The following RIMS2 variants were observed in gnomAD, a reference collection of about 807,000 sequenced individuals.
The protein encoded by RIMS2 is regulating synaptic membrane exocytosis 2.
In RIMS2, 59 loss-of-function variants were observed where a neutral mutation model predicts 174.4. The ratio of observed to expected loss-of-function variants is 0.34; its 90% CI spans 0.27 to 0.42. The LOEUF (loss-of-function observed/expected upper bound fraction) is 0.42. Ranked by LOEUF, RIMS2 falls within the 10% of genes least tolerant of loss-of-function variation. The pLI is 1.00. For missense variants in RIMS2, 1,620 were observed against 1,666.3 expected, an observed-to-expected ratio of 0.97 and a Z score of 0.48; for synonymous variants, 606 against 572.5, an observed-to-expected ratio of 1.06 and a Z score of -0.84.
chr8:103,637,359 C>G (rs546932382), intron 1 of RIMS2, among the ~76,000 whole-genome samples: 2 of 152,196 alleles, frequency 1.3e-5, no homozygotes, highest in East Asian at 1.9e-4. Flanking sequence ...GAGTAACTTT[C>G]TTTTCTTGAA....
At chr8:103,666,326 C>A (rs1381348116) in intron 1 of RIMS2, among the ~76,000 whole-genome samples, 9 of 152,120 alleles carry the variant, frequency 5.9e-5, no homozygotes, top group Admixed American at 5.9e-4. Flanking sequence ...TACAGAGAAA[C>A]CTTTAGGCCA....
At chr8:103,725,089 G>A (rs2097510327) in intron 2 of RIMS2, among the ~76,000 whole-genome samples, 1 of 152,060 alleles carries the variant, frequency 6.6e-6, no homozygotes, top group African/African-American at 2.4e-5. Context: ...CAAATTTAGT[G>A]TTAAAATACT....
intron 2 of RIMS2, among the ~76,000 whole-genome samples, chr8:103,721,258 T>G (rs939578802): frequency 6.6e-6 from 1 of 152,212 alleles, no homozygotes; most frequent in African/African-American, 2.4e-5. Context: ...AGAATCATGC[T>G]TCCTGTACAG....
chr8:104,120,590 T>C (rs1265470845), intron 19 of RIMS2, among the ~76,000 whole-genome samples: 1 of 152,180 alleles, frequency 6.6e-6, no homozygotes, highest in Middle Eastern at 3.2e-3. Flanking sequence ...TTAAAGGATA[T>C]TTTTATTCAT....
intron 3 of RIMS2, among the ~76,000 whole-genome samples, chr8:103,807,150 AG>A (rs749123021): frequency 1.3e-5 from 2 of 152,126 alleles, no homozygotes; most frequent in Non-Finnish European, 2.9e-5. Context: ...CAGCCAAAAC[AG>A]GGCCTTGGAC....
intron 19 of RIMS2, among the ~76,000 whole-genome samples, chr8:104,159,021 G>A (rs1345091388): frequency 2.6e-5 from 4 of 151,968 alleles, no homozygotes; most frequent in Non-Finnish European, 5.9e-5. Context: ...GGGTTTTTAT[G>A]GTTTTAGGTC....
chr8:103,840,013 T>C (rs976221267), intron 3 of RIMS2, among the ~76,000 whole-genome samples: 1 of 152,210 alleles, frequency 6.6e-6, no homozygotes, highest in African/African-American at 2.4e-5. Flanking sequence ...GAAGATTGTT[T>C]CCAGGTGGAA....
In RIMS2 at chr8:104,071,244, G is replaced by A. The variant is rs527897459; in HGVS notation, c.3334+56629G>A. Reference sequence around the variant, plus strand: ...GCTTCAAAGTTTTATATCTTTGACAGCAATCATTTTAAGTTGGGAAAAAAT... The same window carrying A: ...GCTTCAAAGTTTTATATCTTTGACAACAATCATTTTAAGTTGGGAAAAAAT... On this transcript the variant is annotated intron_variant, in intron 19 of 23. Transcript: ENST00000504942. Among the ~76,000 whole-genome samples the A allele has an allele frequency of 2.6e-5, 4 of 152,236 alleles. No individual in the cohort carries two copies. The South Asian group carries it at 8.3e-4, about 32-fold the overall frequency.
chr8:103,704,149 G>T (rs141345672), intron 2 of RIMS2, among the ~76,000 whole-genome samples: 2 of 147,910 alleles, frequency 1.4e-5, no homozygotes, highest in Non-Finnish European at 1.5e-5. Context: ...TTATTTTCAG[G>T]CATGTTTCTT....
chr8:103,836,057 G>T (rs930249879), intron 3 of RIMS2, among the ~76,000 whole-genome samples: 1 of 152,094 alleles, frequency 6.6e-6, no homozygotes, highest in African/African-American at 2.4e-5. Flanking sequence ...CCTTCTAACT[G>T]GGTGGGCATC....
Position 104,074,660 on chromosome 8 carries a change from A to G in RIMS2, c.3334+60045A>G, listed in dbSNP as rs1471409522. Among the ~76,000 whole-genome samples, 3 of 152,172 alleles carry G rather than the reference A, an allele frequency of 2.0e-5. No homozygotes were observed. In the East Asian group the frequency reaches 5.8e-4, roughly 29 times the overall value. ...AGGAAAAATGAAATTTAGAGGAAAA[A>G]AATTTATGAATCTTAAGGGGATATG... On this transcript the variant is annotated intron_variant, in intron 19 of 23. Transcript: ENST00000504942.
chr8:103,717,138 CTTTTTTTTTT>C (rs11373218), intron 2 of RIMS2, among the ~76,000 whole-genome samples: 9 of 113,106 alleles, frequency 8.0e-5, no homozygotes, highest in East Asian at 5.2e-4. Flanking sequence ...ATAGTGCCTT[CTTTTTTTTTT>C]TTTTTTTTTT....
chr8:104,157,783 G>A (rs927236327), intron 19 of RIMS2, among the ~76,000 whole-genome samples: 1 of 152,064 alleles, frequency 6.6e-6, no homozygotes, highest in African/African-American at 2.4e-5. Flanking sequence ...TATGTATATG[G>A]GGGTACAAAT....
chr8:103,687,589 A>T (rs1177761558), intron 1 of RIMS2, among the ~76,000 whole-genome samples: 1 of 152,080 alleles, frequency 6.6e-6, no homozygotes, highest in East Asian at 1.9e-4. Flanking sequence ...TTAACTATAG[A>T]CATCATGTTG....
intron 1 of RIMS2, among the ~76,000 whole-genome samples, chr8:103,671,728 A>G (rs1223938141): frequency 1.3e-5 from 2 of 152,240 alleles, no homozygotes; most frequent in Non-Finnish European, 2.9e-5. Context: ...TCTGTGGCCT[A>G]TAATAACTTA....
At chr8:103,681,542 AAGTGTACAT>A (rs2096880619) in intron 1 of RIMS2, among the ~76,000 whole-genome samples, 1 of 152,072 alleles carries the variant, frequency 6.6e-6, no homozygotes, top group African/African-American at 2.4e-5. Context: ...GAATTAAAAA[AAGTGTACAT>A]AGCAATCCAT....
chr8:103,679,552 A>C (rs1436929969), intron 1 of RIMS2, among the ~76,000 whole-genome samples: 1 of 152,012 alleles, frequency 6.6e-6, no homozygotes, highest in Non-Finnish European at 1.5e-5. Context: ...CAACAAAACT[A>C]AGTGGCTGGG....
At chr8:103,686,224 T>G (rs2096938658) in intron 1 of RIMS2, among the ~76,000 whole-genome samples, 1 of 152,144 alleles carries the variant, frequency 6.6e-6, no homozygotes, top group Non-Finnish European at 1.5e-5. Flanking sequence ...CAAGAGGTTT[T>G]TTCTTTCTAG....
chr8:103,967,408 G>A (rs1053941504), intron 15 of RIMS2, among the ~76,000 whole-genome samples: 1 of 151,756 alleles, frequency 6.6e-6, no homozygotes, highest in African/African-American at 2.4e-5. Context: ...TGGTCAGGCT[G>A]GTCTCAAACT....
Sources: allele counts gnomAD v4.1 joint callset (sites outside exome capture counted in the v4.1 genomes callset), GRCh38; gene constraint gnomAD v4.1.1; transcripts MANE v1.5; gene names NCBI Gene and HGNC (gene_info 2026-07-23, HGNC 2026-07-21).